Variants in WDR7 observed in about 807,000 individuals in gnomAD.
The protein encoded by WDR7 is WD repeat domain 7.
WDR7 carries 46 observed loss-of-function variants against 169.4 expected under a neutral mutation model. The ratio of observed to expected loss-of-function variants is 0.27; its 90% CI spans 0.21 to 0.35. The LOEUF is 0.35. Ranked by LOEUF, WDR7 falls within the 10% of genes least tolerant of loss-of-function variation. The probability of loss-of-function intolerance (pLI) is 1.00; values close to 1 mark genes in which losing one functional copy is unlikely to be tolerated. For missense variants in WDR7, 1,534 were observed against 1,859.3 expected (o/e 0.83, Z 3.22); for synonymous variants, 612 against 666.8 (o/e 0.92, Z 1.27).
intron 12 of WDR7, among the ~76,000 whole-genome samples, chr18:56,707,953 C>T (rs1308341042): frequency 6.6e-6 from 1 of 151,860 alleles, no homozygotes; most frequent in East Asian, 1.9e-4. Flanking sequence ...TATCTGTCAA[C>T]CCGTTTGTTT....
intron 4 of WDR7, 60 bp downstream of exon 4, chr18:56,681,451 T>TA: frequency 9.1e-7 from 1 of 1,096,824 alleles, no homozygotes; most frequent in Non-Finnish European, 1.3e-6. Context: ...ATTTAAAATA[T>TA]TTTTAAAACA....
chr18:56,742,715 G>A (rs140638447), intron 14 of WDR7, among the ~76,000 whole-genome samples: 1 of 152,268 alleles, frequency 6.6e-6, no homozygotes, highest in Non-Finnish European at 1.5e-5. Flanking sequence ...GAGGTGATTA[G>A]GACTGGCTTC....
intron 26 of WDR7, among the ~76,000 whole-genome samples, chr18:57,017,588 T>C (rs1332859514): frequency 1.3e-5 from 2 of 151,956 alleles, no homozygotes; most frequent in Non-Finnish European, 2.9e-5. Flanking sequence ...AAACTCAGTA[T>C]ATGACAGGAC....
chr18:56,820,419 A>G (rs1467250732), intron 20 of WDR7, among the ~76,000 whole-genome samples: 2 of 149,826 alleles, frequency 1.3e-5, no homozygotes, highest in Non-Finnish European at 3.0e-5. Context: ...CAAAAGCAGC[A>G]ATGATACGTG....
intron 25 of WDR7, among the ~76,000 whole-genome samples, chr18:56,941,779 A>G (rs1200037665): frequency 6.6e-6 from 1 of 151,922 alleles, no homozygotes; most frequent in African/African-American, 2.4e-5. Flanking sequence ...TTCTCTGGGT[A>G]CTCTGGTTTC....
At chr18:56,875,915 T>G (rs906665882) in intron 20 of WDR7, among the ~76,000 whole-genome samples, 1 of 152,186 alleles carries the variant, frequency 6.6e-6, no homozygotes, top group African/African-American at 2.4e-5. Context: ...TGTGTGAGTC[T>G]TCTTTTGGTT....
chr18:56,931,009 G>A (rs2145672098), intron 22 of WDR7, among the ~76,000 whole-genome samples: 1 of 152,268 alleles, frequency 6.6e-6, no homozygotes, highest in African/African-American at 2.4e-5. Context: ...GGGAGCTCAG[G>A]CTGCGTGGAC....
intron 25 of WDR7, among the ~76,000 whole-genome samples, chr18:56,942,220 A>T (rs1171189565): frequency 6.6e-6 from 1 of 152,206 alleles, no homozygotes; most frequent in Non-Finnish European, 1.5e-5. Context: ...CCCCAGATGC[A>T]CAGGCTCAGT....
At position 56,691,211 on chromosome 18, in the gene WDR7, T is replaced by G. The variant is rs1370537362; in HGVS notation, c.718-5T>G. The G allele has an allele frequency of 8.1e-6, 13 of 1,604,316 alleles. No individual in the cohort carries two copies. In the Admixed American group the frequency reaches 2.1e-4, roughly 26 times the overall value. ...GTAGATTGTGAATTTCTTTCTTCCT[T>G]GCAGGTGTTCGATGCCGGAGACTAT... is the stretch of plus-strand genomic sequence containing the variant. On this transcript the variant is annotated splice_region_variant and splice_polypyrimidine_tract_variant and intron_variant, in intron 7 of 27. Transcript: ENST00000254442.
At chr18:56,858,371 A>G (rs890627355) in intron 20 of WDR7, among the ~76,000 whole-genome samples, 4 of 152,200 alleles carry the variant, frequency 2.6e-5, no homozygotes, top group African/African-American at 9.7e-5. Flanking sequence ...ATATAATTCA[A>G]AAATTTCCGT....
chr18:57,001,096 T>C lies in WDR7; in HGVS notation c.4165-19649T>C, dbSNP rs556829668. ...GAGAGAGAGAGAGAGAGATGTAAGT[T>C]TATGTTTAGGGCCCAAAAATAAAAA... On this transcript the variant is annotated intron_variant, in intron 26 of 27. Coordinates refer to ENST00000254442, the MANE Select transcript of WDR7 (RefSeq NM_015285.3). Among the ~76,000 whole-genome samples, 125 of 146,170 alleles carry C rather than the reference T, an allele frequency of 8.6e-4. 2 individuals are homozygous for C. Among genetic ancestry groups the C allele is most frequent in the Admixed American group, 6.2e-3 (90 of 14,568 alleles).
At chr18:56,706,260 TG>T (rs1231825953) in intron 12 of WDR7, among the ~76,000 whole-genome samples, 1 of 152,240 alleles carries the variant, frequency 6.6e-6, no homozygotes, top group African/African-American at 2.4e-5. Context: ...AGTTGACTTT[TG>T]TATGATGATT....
intron 13 of WDR7, among the ~76,000 whole-genome samples, chr18:56,719,186 G>A (rs2026260358): frequency 6.6e-6 from 1 of 152,184 alleles, no homozygotes; most frequent in South Asian, 2.1e-4. Context: ...AAAGAAGAAA[G>A]ATGAGCCCAC....
intron 21 of WDR7, among the ~76,000 whole-genome samples, chr18:56,916,719 A>G (rs2046632411): frequency 6.6e-6 from 1 of 152,176 alleles, no homozygotes; most frequent in Non-Finnish European, 1.5e-5. Context: ...CTGGTATTGT[A>G]TTAGTATACA....
chr18:56,685,045 C>T (rs2025418042), intron 5 of WDR7, among the ~76,000 whole-genome samples: 1 of 152,156 alleles, frequency 6.6e-6, no homozygotes, highest in South Asian at 2.1e-4. Flanking sequence ...TATGTTTACA[C>T]TGTAGTCTGA....
chr18:56,949,556 G>A (rs1000078412), intron 25 of WDR7, among the ~76,000 whole-genome samples: 3 of 152,294 alleles, frequency 2.0e-5, no homozygotes, highest in East Asian at 1.9e-4. Flanking sequence ...ATCTGCTTGC[G>A]CAGACGTGTA....
At chr18:56,818,112 T>A (rs1041589748) in intron 20 of WDR7, among the ~76,000 whole-genome samples, 2 of 152,204 alleles carry the variant, frequency 1.3e-5, no homozygotes, top group Non-Finnish European at 2.9e-5. Context: ...CATATGTATG[T>A]TTTTTGTTAT....
At chr18:56,995,048 C>G (rs2047878139) in intron 26 of WDR7, among the ~76,000 whole-genome samples, 1 of 151,994 alleles carries the variant, frequency 6.6e-6, no homozygotes, top group Admixed American at 6.6e-5. Flanking sequence ...ATAATTTAAG[C>G]TAGAATATGA....
chr18:56,743,108 G>T (rs745739803), intron 14 of WDR7, among the ~76,000 whole-genome samples: 1 of 152,172 alleles, frequency 6.6e-6, no homozygotes, highest in Non-Finnish European at 1.5e-5. Context: ...GGTAAGGAAG[G>T]TTGGCTCACA....
Sources: gnomAD v4.1 joint callset for allele counts (sites outside exome capture counted in the v4.1 genomes callset) on GRCh38, gnomAD v4.1.1 for gene constraint, MANE v1.5 for transcripts, NCBI Gene and HGNC (gene_info 2026-07-23, HGNC 2026-07-21) for gene names.